Variants in PLCG2 observed in about 807,000 individuals in gnomAD.
The protein encoded by PLCG2 is phospholipase C gamma 2, also known as 1-phosphatidylinositol 4,5-bisphosphate phosphodiesterase gamma-2.
PLCG2 carries 69 observed loss-of-function variants against 175.6 expected under a neutral mutation model. The ratio of observed to expected loss-of-function variants is 0.39; its 90% confidence interval spans 0.32 to 0.48. The LOEUF is 0.48. Among genes scored for constraint, PLCG2 ranks in the 20% least tolerant of loss-of-function variants. The pLI is 0.91. For missense variants in PLCG2, 1,798 were observed against 1,650.9 expected (o/e 1.09, Z -1.54); for synonymous variants, 827 against 624.0 (o/e 1.33, Z -4.85).
intron 2 of PLCG2, among the ~76,000 whole-genome samples, chr16:81,759,795 A>G (rs1910000450): frequency 6.6e-6 from 1 of 152,206 alleles, no homozygotes; most frequent in African/African-American, 2.4e-5. Context: ...GCTCCTTTCC[A>G]GTCTTGTAGC....
chr16:81,777,606 T>A (rs1361396915), upstream of PLCG2, among the ~76,000 whole-genome samples: 1 of 151,968 alleles, frequency 6.6e-6, no homozygotes, highest in Non-Finnish European at 1.5e-5. Flanking sequence ...AGCACAGCTA[T>A]ACACGCCAGT....
In PLCG2 at chr16:81,794,170, C is replaced by T. The variant is rs1238622458; in HGVS notation, c.193+7988C>T. ...TTTGTGGGGAGATGCTAGGAAAAGACCACAAACACAGCCTGGAAAAGGGCT... is the reference window on the plus strand; with the variant it reads ...TTTGTGGGGAGATGCTAGGAAAAGATCACAAACACAGCCTGGAAAAGGGCT... On this transcript the variant is annotated intron_variant, in intron 2 of 32. Transcript: ENST00000564138. 2.0e-5 allele frequency among the ~76,000 whole-genome samples: 3 copies of T among 152,034 alleles called. No individual in the cohort carries two copies. In the East Asian group the frequency reaches 5.8e-4, roughly 29 times the overall value.
At chr16:81,899,564 C>T (rs947413053) in intron 13 of PLCG2, among the ~76,000 whole-genome samples, 3 of 152,154 alleles carry the variant, frequency 2.0e-5, no homozygotes, top group African/African-American at 2.4e-5. Flanking sequence ...CAGCGCTCCC[C>T]TTCCTGGTCT....
rs1227034574 is a variant in PLCG2, at chr16:81,910,016, G to A, written c.1734-504G>A. Among the ~76,000 whole-genome samples, 7 of 145,670 alleles carry A rather than the reference G, an allele frequency of 4.8e-5. No individual in the cohort carries two copies. The East Asian group carries it at 7.1e-4, about 15-fold the overall frequency. On this transcript the variant is annotated intron_variant, in intron 17 of 32. Coordinates refer to ENST00000564138, the MANE Select transcript of PLCG2 (RefSeq NM_002661.5). ...ATATAAAAGGGGGATGGGGTGGGGT[G>A]GGGTGGGGGAAGTAGGTAGAATGTT...
chr16:81,872,442 C>A (rs117964717), intron 7 of PLCG2, among the ~76,000 whole-genome samples: 49 of 152,236 alleles, frequency 3.2e-4, no homozygotes, highest in Non-Finnish European at 6.6e-4. Flanking sequence ...TGTGTGTGTG[C>A]TGGAAGGGGT....
At chr16:81,858,996 T>A (rs552176939) in intron 4 of PLCG2, 120 bp from the exon 5 acceptor site, 86 of 613,204 alleles carry the variant, frequency 1.4e-4, no homozygotes, top group Non-Finnish European at 2.2e-4. Context: ...GTTAGAAAGT[T>A]GGAAGACTCC....
At chr16:81,943,988 A>C (rs1911055680) in intron 30 of PLCG2, among the ~76,000 whole-genome samples, 1 of 152,198 alleles carries the variant, frequency 6.6e-6, no homozygotes, top group Non-Finnish European at 1.5e-5. Flanking sequence ...TTTGAAGAGA[A>C]CAAAAGAGGA....
chr16:81,762,679 A>G (rs1910066132), intron 2 of PLCG2, among the ~76,000 whole-genome samples: 1 of 152,206 alleles, frequency 6.6e-6, no homozygotes, highest in Non-Finnish European at 1.5e-5. Flanking sequence ...AAGGCAGGCC[A>G]AGGGACTTCC....
At chr16:81,756,943 G>A (rs538412155) in intron 2 of PLCG2, among the ~76,000 whole-genome samples, 1 of 152,302 alleles carries the variant, frequency 6.6e-6, no homozygotes, top group South Asian at 2.1e-4. Context: ...TAGAAATTGT[G>A]TATGGGATTC....
At position 81,938,753 on chromosome 16, in the gene PLCG2, C is replaced by T. The variant is rs751576881; in HGVS notation, c.3199-48C>T. On this transcript the variant is annotated intron_variant, in intron 28 of 32. Coordinates refer to ENST00000564138, the MANE Select transcript of PLCG2 (RefSeq NM_002661.5). ...CCAGCTGCAATCCACGCTAGGCTGC[C>T]TGTTCAGGACCCCAGGGGGGTTCCA... 4.4e-6 allele frequency: 5 copies of T among 1,142,738 alleles called. No individual in the cohort carries two copies. In the African/African-American group the frequency reaches 6.1e-5, roughly 14 times the overall value. 70.8% of individuals were successfully genotyped at this position (1,142,738 alleles called of 1,614,324 possible). A position where few individuals can be genotyped will look rare whatever the true frequency, so the allele number is the denominator to read the frequency against.
chr16:81,877,747 A>G (rs898821309), intron 7 of PLCG2, among the ~76,000 whole-genome samples: 15 of 152,088 alleles, frequency 9.9e-5, no homozygotes, highest in Non-Finnish European at 2.2e-4. Flanking sequence ...TGTAGGCGTC[A>G]TCGCTTCTTG....
At position 81,925,130 on chromosome 16, in the gene PLCG2, TC is replaced by T. The variant is rs541584860; in HGVS notation, c.2417+1537del. On this transcript the variant is annotated intron_variant, in intron 22 of 32. Coordinates refer to ENST00000564138, the MANE Select transcript of PLCG2 (RefSeq NM_002661.5). Reference sequence around the variant, plus strand: ...CCTTTCTATGCCTCTGACAGGCAGTTCTCTGAATTTCGAAGGCTCTTGTCTT... The same window carrying T: ...CCTTTCTATGCCTCTGACAGGCAGTTTCTGAATTTCGAAGGCTCTTGTCTT... Among the ~76,000 whole-genome samples, 14 of 152,334 alleles carry T rather than the reference TC, an allele frequency of 9.2e-5. No individual in the cohort carries two copies. In the South Asian group the frequency reaches 2.9e-3, roughly 32 times the overall value.
rs954319530 is a variant in PLCG2, at chr16:81,893,705, G to T, written c.987-4G>T. ...CACACGGCCACCTGCCTTCTCTCCT[G>T]CAGGTACCTTACAGGTGACCAGCTG... On this transcript the variant is annotated splice_polypyrimidine_tract_variant and splice_region_variant and intron_variant, in intron 11 of 32. Coordinates refer to ENST00000564138, the MANE Select transcript of PLCG2 (RefSeq NM_002661.5). 1 of 1,604,124 alleles carries T rather than the reference G, an allele frequency of 6.2e-7. No homozygotes were observed.
At chr16:81,921,055 A>G in intron 20 of PLCG2, 143 bp from the exon 21 acceptor site, 1 of 576,014 alleles carries the variant, frequency 1.7e-6, no homozygotes, top group Non-Finnish European at 3.1e-6. Context: ...GTGTCTACTC[A>G]TGGGCCAAAA....
chr16:81,773,010 T>A (rs1415403022), intron 2 of PLCG2, among the ~76,000 whole-genome samples: 1 of 152,208 alleles, frequency 6.6e-6, no homozygotes, highest in Admixed American at 6.5e-5. Flanking sequence ...TTTGGCCACA[T>A]ACTCTTGGGC....
chr16:81,940,950 T>C (rs1417019208), intron 30 of PLCG2, among the ~76,000 whole-genome samples: 3 of 152,248 alleles, frequency 2.0e-5, no homozygotes, highest in East Asian at 3.8e-4. Context: ...GTGCATGAGA[T>C]ATGAGATCAT....
intron 2 of PLCG2, among the ~76,000 whole-genome samples, chr16:81,762,859 A>G (rs1030579488): frequency 6.6e-6 from 1 of 152,114 alleles, no homozygotes; most frequent in South Asian, 2.1e-4. Flanking sequence ...GGAGTTTAAG[A>G]TCAGCCTCAG....
intron 5 of PLCG2, chr16:81,859,376 C>G (rs1906846549): frequency 1.9e-6 from 1 of 522,424 alleles, no homozygotes; most frequent in South Asian, 2.4e-5. Context: ...TCAAGTACAG[C>G]CTCAGAGATG....
intron 19 of PLCG2, among the ~76,000 whole-genome samples, chr16:81,913,455 C>T (rs1434021976): frequency 6.6e-6 from 1 of 152,228 alleles, no homozygotes; most frequent in Non-Finnish European, 1.5e-5. Flanking sequence ...AAGTGACCTG[C>T]CTGGAGTCAC....
Sources: gnomAD v4.1 joint callset for allele counts (sites outside exome capture counted in the v4.1 genomes callset) on GRCh38, gnomAD v4.1.1 for gene constraint, MANE v1.5 for transcripts, NCBI Gene and HGNC (gene_info 2026-07-23, HGNC 2026-07-21) for gene names.